SUFU: variants seen among roughly 807,000 people sequenced by gnomAD.
SUFU encodes SUFU negative regulator of hedgehog signaling.
In SUFU, 7 loss-of-function variants were observed where a neutral mutation model predicts 58.9. The observed-to-expected ratio is 0.12, with a 90% CI of 0.07 to 0.22. SUFU has a LOEUF of 0.22. Among genes scored for constraint, SUFU ranks in the 10% least tolerant of loss-of-function variants. The pLI, the probability that SUFU is intolerant of heterozygous loss-of-function variation, is 1.00. For synonymous variants in SUFU, 232 were observed against 254.8 expected (o/e 0.91, Z 0.85); for missense variants, 451 against 641.3 (o/e 0.70, Z 3.20).
chr10:102,577,531 G>T (rs910746349), intron 3 of SUFU, among the ~76,000 whole-genome samples: 9 of 152,014 alleles, frequency 5.9e-5, no homozygotes, highest in Non-Finnish European at 1.2e-4. Flanking sequence ...CAGAGGCAGG[G>T]TTTTGCCATG....
At chr10:102,511,481 A>G (rs746852219) in intron 2 of SUFU, among the ~76,000 whole-genome samples, 8 of 152,076 alleles carry the variant, frequency 5.3e-5, no homozygotes, top group African/African-American at 1.9e-4. Flanking sequence ...TCTGGAGATG[A>G]TGATGGTATC....
rs1180985164 is a variant in SUFU at position 102,628,697 on chromosome 10, G to A, written c.1366-1369G>A. Among the ~76,000 whole-genome samples, 2 of 152,168 alleles carry A rather than the reference G, an allele frequency of 1.3e-5. No homozygotes were observed. The highest frequency in any genetic ancestry group is 4.2e-4 in the South Asian group (2 of 4,808). On this transcript the variant is annotated intron_variant, in intron 11 of 11. Transcript: ENST00000369902. This position sits in a 1 kb window ranked among gnomAD's most constrained non-coding sequence, Gnocchi z 4.5. ...GCTGTCCCTACACCCTGCCTCACTC[G>A]CCACTTTGGTCCTGGCAGAGACAGT...
chr10:102,542,813 C>T (rs1424210025), intron 2 of SUFU, among the ~76,000 whole-genome samples: 3 of 151,942 alleles, frequency 2.0e-5, no homozygotes, highest in Non-Finnish European at 4.4e-5. Context: ...TTTGTGGAGG[C>T]AAGGCTTCGC....
chr10:102,553,263 T>C (rs1380638445), intron 3 of SUFU, among the ~76,000 whole-genome samples: 1 of 152,034 alleles, frequency 6.6e-6, no homozygotes, highest in Non-Finnish European at 1.5e-5. Flanking sequence ...GAAAAGTAAA[T>C]GGTAACTGAT....
intron 10 of SUFU, among the ~76,000 whole-genome samples, chr10:102,624,888 G>A (rs372514200): frequency 6.6e-6 from 1 of 152,040 alleles, no homozygotes; most frequent in Non-Finnish European, 1.5e-5. Flanking sequence ...CTCACCCCCA[G>A]CACTTGTTAT....
intron 2 of SUFU, among the ~76,000 whole-genome samples, chr10:102,519,903 C>T (rs1263310322): frequency 2.0e-5 from 3 of 151,194 alleles, no homozygotes; most frequent in African/African-American, 4.9e-5. Flanking sequence ...TCCCGAGTAG[C>T]TGGGATTACA....
At chr10:102,580,029 A>AC (rs71474507) in intron 3 of SUFU, among the ~76,000 whole-genome samples, 5,100 of 84,206 alleles carry the variant, frequency 0.061, 265 homozygotes, top group African/African-American at 0.068. Flanking sequence ...CCTCCCCCGC[A>AC]CCCCCCCCCC....
chr10:102,609,353 T>C (rs1232091655), intron 8 of SUFU, among the ~76,000 whole-genome samples: 1 of 152,136 alleles, frequency 6.6e-6, no homozygotes, highest in Non-Finnish European at 1.5e-5. Context: ...CAGGGACCAA[T>C]ATAGGTCTGT....
chr10:102,534,593 G>A (rs1398149193), intron 2 of SUFU, among the ~76,000 whole-genome samples: 1 of 152,230 alleles, frequency 6.6e-6, no homozygotes, highest in South Asian at 2.1e-4. Context: ...CATCCTCTGC[G>A]TAGGTGTAAG....
rs2063672832 is a variant in SUFU, at chr10:102,615,262, T to C, written c.1023-6T>C. On this transcript the variant is annotated splice_polypyrimidine_tract_variant and splice_region_variant and intron_variant, in intron 8 of 11. Transcript: ENST00000369902. ...TGCCGAACCTTTTCCTGTGCTTGCT[T>C]CACAGGAGCCGCAAAGACAGCCTGG... is the stretch of plus-strand genomic sequence containing the variant. 8.7e-6 allele frequency: 14 copies of C among 1,614,164 alleles called. No individual in the cohort carries two copies. The highest frequency in any genetic ancestry group is 1.2e-5 in the Non-Finnish European group (14 of 1,180,024).
At chr10:102,545,777 C>T (rs1432511778) in intron 2 of SUFU, among the ~76,000 whole-genome samples, 1 of 152,092 alleles carries the variant, frequency 6.6e-6, no homozygotes, top group Non-Finnish European at 1.5e-5. Context: ...AGTTCGAGAC[C>T]AGCCTGGGCA....
intron 3 of SUFU, among the ~76,000 whole-genome samples, chr10:102,585,569 C>T (rs894959595): frequency 6.6e-6 from 1 of 152,030 alleles, no homozygotes; most frequent in African/African-American, 2.4e-5. Context: ...TACTATGGTG[C>T]GACCAAAGCT....
intron 2 of SUFU, among the ~76,000 whole-genome samples, chr10:102,534,604 G>A (rs2062714286): frequency 6.6e-6 from 1 of 152,244 alleles, no homozygotes; most frequent in Non-Finnish European, 1.5e-5. Flanking sequence ...TAGGTGTAAG[G>A]GGCAGAGCAG....
chr10:102,507,868 G>A (rs2062347618), intron 1 of SUFU, among the ~76,000 whole-genome samples: 2 of 152,058 alleles, frequency 1.3e-5, no homozygotes, highest in South Asian at 4.1e-4. Context: ...GTTTGAGGCA[G>A]CTCAAATGCC....
intron 2 of SUFU, among the ~76,000 whole-genome samples, chr10:102,533,907 G>A (rs2135703600): frequency 6.6e-6 from 1 of 151,264 alleles, no homozygotes; most frequent in South Asian, 2.1e-4. Flanking sequence ...ATTTATTCAG[G>A]CTACCACAGT....
intron 2 of SUFU, among the ~76,000 whole-genome samples, chr10:102,547,829 G>C (rs548744032): frequency 3.3e-5 from 5 of 151,940 alleles, no homozygotes; most frequent in East Asian, 1.9e-4. Context: ...AGAGAGGCGG[G>C]GGGGAGAGAG....
chr10:102,554,750 G>A (rs370785406), intron 3 of SUFU, among the ~76,000 whole-genome samples: 12 of 152,326 alleles, frequency 7.9e-5, no homozygotes, highest in East Asian at 5.8e-4. Context: ...GTTTAAGAGT[G>A]TGGCCTCCTG....
chr10:102,525,561 C>A (rs1173625850), intron 2 of SUFU, among the ~76,000 whole-genome samples: 1 of 152,028 alleles, frequency 6.6e-6, no homozygotes, highest in African/African-American at 2.4e-5. Context: ...GTGGTGCGAT[C>A]TTGCGATCTC....
chr10:102,630,241 C>T lies in SUFU; in HGVS notation c.*86C>T. 8.4e-7 allele frequency: 1 copy of T among 1,193,882 alleles called. No individual in the cohort carries two copies. Among genetic ancestry groups the T allele is most frequent in the South Asian group, 1.2e-5 (1 of 82,532 alleles). 74.0% of individuals were successfully genotyped at this position (1,193,882 alleles called of 1,614,324 possible). A position where few individuals can be genotyped will look rare whatever the true frequency, so the allele number is the denominator to read the frequency against. ...GTAACAGTTGTGTCAACGAGATCTC[C>T]ACAAATAAAAGGACAAGTGTGAGGA... is the stretch of plus-strand genomic sequence containing the variant. On this transcript the variant is annotated 3_prime_UTR_variant, in exon 12 of 12. Coordinates refer to ENST00000369902, the MANE Select transcript of SUFU (RefSeq NM_016169.4).
Sources: gnomAD v4.1 joint callset for allele counts (sites outside exome capture counted in the v4.1 genomes callset) on GRCh38, gnomAD v4.1.1 for gene constraint, Gnocchi (gnomAD v3.1) non-coding constraint, MANE v1.5 for transcripts, NCBI Gene and HGNC (gene_info 2026-07-23, HGNC 2026-07-21) for gene names.